The following SLC35G2 variants were observed in gnomAD, a reference collection of about 807,000 sequenced individuals.
SLC35G2 encodes the protein transmembrane protein 22.
A neutral mutation model predicts 27.2 loss-of-function variants in SLC35G2; 20 were observed. That is an observed-to-expected ratio of 0.74 (90% confidence interval 0.52 to 1.07). The LOEUF (loss-of-function observed/expected upper bound fraction) is 1.07, where lower values mean the gene tolerates loss of function less well. SLC35G2 is among the 50% of genes least tolerant of loss of function. The probability of loss-of-function intolerance (pLI) is 0.00; values close to 1 mark genes in which losing one functional copy is unlikely to be tolerated. For missense variants in SLC35G2, 416 were observed against 493.3 expected (o/e 0.84, Z 1.48); for synonymous variants, 148 against 165.3 (o/e 0.90, Z 0.80).
intron 1 of SLC35G2, among the ~76,000 whole-genome samples, chr3:136,852,854 A>G (rs9817453): frequency 0.68 from 103,209 of 151,694 alleles, 35,386 homozygotes; most frequent in East Asian, 0.87. Flanking sequence ...AATTGTTGAA[A>G]GGAAGGAAAG....
Position 136,854,888 on chromosome 3 carries a change from T to C in SLC35G2, c.428T>C (p.Phe143Ser). ...SLELIFIRSV[F>S]QVLSVLVVCY... Reference sequence around the variant, plus strand: ...GAACTGATTTTTATCCGTTCTGTTTTTCAGGTCTTATCTGTGTTAGTTGTG... The same window carrying C: ...GAACTGATTTTTATCCGTTCTGTTTCTCAGGTCTTATCTGTGTTAGTTGTG... The change falls in exon 2 of 2, where the codon TTT (phenylalanine) becomes TCT (serine). Residue 143 changes from phenylalanine to serine, a missense_variant. By Grantham distance (155) the Phe-to-Ser change is radical (BLOSUM62 -2). Transcript: ENST00000446465. 6.2e-7 allele frequency: 1 copy of C among 1,614,234 alleles called. No individual in the cohort carries two copies.
At chr3:136,850,293 C>T (rs1397806471) in intron 1 of SLC35G2, among the ~76,000 whole-genome samples, 1 of 152,110 alleles carries the variant, frequency 6.6e-6, no homozygotes, top group Non-Finnish European at 1.5e-5. Flanking sequence ...TCACATCGGT[C>T]GACTTACCCT....
At chr3:136,844,518 A>G (rs1261509164) in intron 1 of SLC35G2, among the ~76,000 whole-genome samples, 1 of 144,028 alleles carries the variant, frequency 6.9e-6, no homozygotes, top group Non-Finnish European at 1.5e-5. Flanking sequence ...AAATTTGTTG[A>G]CTGGGCGTGG....
intron 1 of SLC35G2, among the ~76,000 whole-genome samples, chr3:136,836,591 A>G (rs4678447): frequency 0.76 from 115,688 of 152,074 alleles, 44,305 homozygotes; most frequent in East Asian, 0.92. Context: ...AGGCCCTTGG[A>G]CTAATGAGAT....
chr3:136,850,031 C>T (rs1378956686), intron 1 of SLC35G2, among the ~76,000 whole-genome samples: 2 of 152,068 alleles, frequency 1.3e-5, no homozygotes, highest in Non-Finnish European at 2.9e-5. Context: ...CTCTTGAAGC[C>T]GGGAGGTGGA....
At chr3:136,842,973 A>G (rs1466637923) in intron 1 of SLC35G2, 1 of 152,122 alleles carries the variant, frequency 6.6e-6, no homozygotes, top group Non-Finnish European at 1.5e-5. Flanking sequence ...GAGTCATTCT[A>G]TGATTGTTTC....
chr3:136,824,841 C>T (rs939087431), intron 1 of SLC35G2, among the ~76,000 whole-genome samples: 28 of 152,110 alleles, frequency 1.8e-4, no homozygotes, highest in African/African-American at 6.8e-4. Flanking sequence ...TGTTTCTTTG[C>T]TGCACCCATC....
At chr3:136,836,989 C>G (rs1936890835) in intron 1 of SLC35G2, among the ~76,000 whole-genome samples, 1 of 152,116 alleles carries the variant, frequency 6.6e-6, no homozygotes, top group Non-Finnish European at 1.5e-5. Flanking sequence ...TCCATCTGTT[C>G]AGGTCAGATT....
chr3:136,833,085 AAAAAG>A (rs1936773877), intron 1 of SLC35G2, among the ~76,000 whole-genome samples: 1 of 151,162 alleles, frequency 6.6e-6, no homozygotes, highest in Non-Finnish European at 1.5e-5. Context: ...AAAAAAAAAA[AAAAAG>A]AATAAAACAT....
intron 1 of SLC35G2, chr3:136,837,916 T>G (rs1936921513): frequency 6.6e-6 from 1 of 151,682 alleles, no homozygotes; most frequent in Admixed American, 6.6e-5. Context: ...CTTGGCTCAC[T>G]GCAACCTCTG....
At chr3:136,839,174 G>A (rs1199355925) in intron 1 of SLC35G2, among the ~76,000 whole-genome samples, 2 of 151,672 alleles carry the variant, frequency 1.3e-5, no homozygotes, top group South Asian at 2.1e-4. Context: ...GTTCATTGAG[G>A]ATGGCATATT....
chr3:136,832,529 C>G (rs1017566576), intron 1 of SLC35G2, among the ~76,000 whole-genome samples: 1 of 152,190 alleles, frequency 6.6e-6, no homozygotes, highest in Admixed American at 6.5e-5. Context: ...TGTCTGATAT[C>G]TTTTCTCACC....
At chr3:136,835,320 T>C (rs1270947175) in intron 1 of SLC35G2, among the ~76,000 whole-genome samples, 1 of 150,298 alleles carries the variant, frequency 6.7e-6, no homozygotes, top group Non-Finnish European at 1.5e-5. Flanking sequence ...TTTTTTTTTT[T>C]TTTGTAGAGT....
At chr3:136,834,209 A>C (rs1392806863) in intron 1 of SLC35G2, among the ~76,000 whole-genome samples, 1 of 152,190 alleles carries the variant, frequency 6.6e-6, no homozygotes, top group Non-Finnish European at 1.5e-5. Context: ...AATTGCAATA[A>C]ACAAATTTAC....
At position 136,840,058 on chromosome 3, in the gene SLC35G2, A is replaced by T. The variant is rs551126564; in HGVS notation, c.-18-14385A>T. On this transcript the variant is annotated intron_variant, in intron 1 of 1. Transcript: ENST00000446465. ...CACATTCTACCTTGCTCCTCCCAAC[A>T]TTGCCCACTCTGGAATCCAGTATCC... is the stretch of plus-strand genomic sequence containing the variant. Among the ~76,000 whole-genome samples the T allele has an allele frequency of 9.2e-5, 14 of 152,220 alleles. No individual in the cohort carries two copies. The South Asian group carries it at 2.7e-3, about 29-fold the overall frequency.
chr3:136,833,810 C>A (rs141832856), intron 1 of SLC35G2, among the ~76,000 whole-genome samples: 5 of 152,072 alleles, frequency 3.3e-5, no homozygotes, highest in African/African-American at 1.2e-4. Context: ...GGCACCCCTG[C>A]TGTAGAGAGA....
intron 1 of SLC35G2, among the ~76,000 whole-genome samples, chr3:136,827,659 C>T (rs1186068620): frequency 3.9e-5 from 6 of 152,110 alleles, no homozygotes; most frequent in African/African-American, 9.7e-5. Context: ...TGTTGTGTTT[C>T]CATTATCATT....
intron 1 of SLC35G2, among the ~76,000 whole-genome samples, chr3:136,843,680 C>A (rs1054693699): frequency 4.6e-5 from 7 of 151,830 alleles, no homozygotes; most frequent in Non-Finnish European, 1.0e-4. Flanking sequence ...AGGCTGTAAT[C>A]CCAGCACTTT....
In SLC35G2 at chr3:136,840,279, C is replaced by T. The variant is rs150465716; in HGVS notation, c.-18-14164C>T. ...AGCATGCCAAGGAGCTTATCATTCA[C>T]CCTAGTGTGCCCAGATTTTTTTCTA... On this transcript the variant is annotated intron_variant, in intron 1 of 1. Coordinates refer to ENST00000446465, the MANE Select transcript of SLC35G2 (RefSeq NM_025246.3). Among the ~76,000 whole-genome samples the T allele has an allele frequency of 3.5e-3, 535 of 152,296 alleles. 7 individuals are homozygous for T. The highest frequency in any genetic ancestry group is 0.012 in the African/African-American group (512 of 41,568).
Sources: gnomAD v4.1 joint callset for allele counts (sites outside exome capture counted in the v4.1 genomes callset) on GRCh38, gnomAD v4.1.1 for gene constraint, MANE v1.5 for transcripts, NCBI Gene and HGNC (gene_info 2026-07-23, HGNC 2026-07-21) for gene names.